CCSER1: variants seen among roughly 807,000 people sequenced by gnomAD.
The protein encoded by CCSER1 is serine-rich coiled-coil domain-containing protein 1.
In CCSER1, 41 loss-of-function variants were observed where a neutral mutation model predicts 82.0. The ratio of observed to expected loss-of-function variants is 0.50; its 90% CI spans 0.39 to 0.65. The LOEUF (loss-of-function observed/expected upper bound fraction) is 0.65, where lower values mean the gene tolerates loss of function less well. CCSER1 is among the 30% of genes least tolerant of loss of function. The probability of loss-of-function intolerance (pLI) is 0.00; values close to 1 mark genes in which losing one functional copy is unlikely to be tolerated. For synonymous variants in CCSER1, 414 were observed against 383.9 expected, an observed-to-expected ratio of 1.08 and a Z score of -0.92; for missense variants, 1,119 against 1,064.2, an observed-to-expected ratio of 1.05 and a Z score of -0.72.
intron 1 of CCSER1, among the ~76,000 whole-genome samples, chr4:90,252,610 T>C (rs1290819971): frequency 1.3e-5 from 2 of 151,802 alleles, no homozygotes; most frequent in Non-Finnish European, 2.9e-5. Context: ...TCTCAAGCAT[T>C]TATCCTTTGT....
At chr4:91,110,195 T>A (rs914626902) in intron 10 of CCSER1, among the ~76,000 whole-genome samples, 12 of 151,372 alleles carry the variant, frequency 7.9e-5, no homozygotes, top group East Asian at 3.9e-4. Flanking sequence ...AAATGGAATT[T>A]AAAAAAAAAT....
intron 5 of CCSER1, among the ~76,000 whole-genome samples, chr4:90,546,486 A>G (rs576270423): frequency 6.6e-6 from 1 of 152,146 alleles, no homozygotes; most frequent in Non-Finnish European, 1.5e-5. Context: ...GGCTGAATTA[A>G]TTGTTTATTT....
At chr4:90,937,635 A>G (rs1192753982) in intron 9 of CCSER1, among the ~76,000 whole-genome samples, 1 of 152,154 alleles carries the variant, frequency 6.6e-6, no homozygotes, top group African/African-American at 2.4e-5. Flanking sequence ...TTTCAAACTA[A>G]AACCTTTTAT....
intron 4 of CCSER1, among the ~76,000 whole-genome samples, chr4:90,430,176 T>A (rs535166476): frequency 6.2e-4 from 95 of 152,042 alleles, no homozygotes; most frequent in African/African-American, 2.2e-3. Flanking sequence ...CAGTTACAAT[T>A]TGTACTTATT....
At chr4:90,808,646 C>T (rs1486619902) in intron 7 of CCSER1, among the ~76,000 whole-genome samples, 2 of 152,072 alleles carry the variant, frequency 1.3e-5, no homozygotes, top group African/African-American at 2.4e-5. Context: ...AAATGCTCAA[C>T]ATCACTAACC....
At chr4:90,368,768 GCACA>G (rs71596526) in intron 3 of CCSER1, among the ~76,000 whole-genome samples, 3 of 149,854 alleles carry the variant, frequency 2.0e-5, no homozygotes, top group African/African-American at 4.9e-5. Context: ...ATATAAATAC[GCACA>G]CACACACACA....
intron 8 of CCSER1, among the ~76,000 whole-genome samples, chr4:90,868,605 A>G (rs564725184): frequency 6.6e-6 from 1 of 152,046 alleles, no homozygotes; most frequent in Admixed American, 6.6e-5. Context: ...TCCTCTGTCG[A>G]TAGACACTTC....
chr4:91,062,325 G>C (rs373694276), intron 9 of CCSER1, among the ~76,000 whole-genome samples: 1 of 151,950 alleles, frequency 6.6e-6, no homozygotes, highest in African/African-American at 2.4e-5. Context: ...ATCCTGCAGC[G>C]TGTATCATTC....
At chr4:90,649,917 C>A (rs1406280426) in intron 6 of CCSER1, among the ~76,000 whole-genome samples, 1 of 151,982 alleles carries the variant, frequency 6.6e-6, no homozygotes, top group Non-Finnish European at 1.5e-5. Flanking sequence ...CCAGCCTGGC[C>A]AAAATGGCGA....
chr4:90,548,422 G>A (rs1777053406), intron 5 of CCSER1, among the ~76,000 whole-genome samples: 1 of 151,992 alleles, frequency 6.6e-6, no homozygotes, highest in Non-Finnish European at 1.5e-5. Context: ...GCTGGCACAA[G>A]TAATGTTATC....
rs1413467354 is a variant in CCSER1, at chr4:90,810,132, C to CT, written c.2011-5623dup. On this transcript the variant is annotated intron_variant, in intron 7 of 10. Coordinates refer to ENST00000509176, the MANE Select transcript of CCSER1 (RefSeq NM_001145065.2). Reference sequence around the variant, plus strand: ...AAAAAAACATGAATTTGAGCATCTTCTTTTTTTCAAATAGAGATGGTGTTT... The same window carrying CT: ...AAAAAAACATGAATTTGAGCATCTTCTTTTTTTTCAAATAGAGATGGTGTTT... 3.3e-5 allele frequency among the ~76,000 whole-genome samples: 5 copies of CT among 151,950 alleles called. No individual in the cohort carries two copies. The East Asian group carries it at 5.8e-4, about 18-fold the overall frequency.
At chr4:90,637,026 G>A (rs1259545589) in intron 6 of CCSER1, among the ~76,000 whole-genome samples, 1 of 152,118 alleles carries the variant, frequency 6.6e-6, no homozygotes, top group Non-Finnish European at 1.5e-5. Flanking sequence ...TTGCTGTGTA[G>A]CAAATCAGCT....
intron 6 of CCSER1, among the ~76,000 whole-genome samples, chr4:90,694,797 G>GGGTGTGTGTGT (rs1553987833): frequency 6.9e-6 from 1 of 145,364 alleles, no homozygotes; most frequent in African/African-American, 2.5e-5. Flanking sequence ...GTGTGTGTGG[G>GGGTGTGTGTGT]GTGTGTGTGT....
chr4:90,740,577 A>G (rs1339930194), intron 7 of CCSER1, among the ~76,000 whole-genome samples: 1 of 152,212 alleles, frequency 6.6e-6, no homozygotes, highest in Non-Finnish European at 1.5e-5. Flanking sequence ...TGTTCAAATT[A>G]TTCTCACACA....
At chr4:90,973,001 A>G (rs1735264037) in intron 9 of CCSER1, among the ~76,000 whole-genome samples, 1 of 151,800 alleles carries the variant, frequency 6.6e-6, no homozygotes, top group African/African-American at 2.4e-5. Flanking sequence ...CACACTATAT[A>G]TAAAAGTCAA....
intron 3 of CCSER1, among the ~76,000 whole-genome samples, chr4:90,357,127 T>G (rs1744505638): frequency 1.3e-5 from 2 of 151,926 alleles, no homozygotes; most frequent in African/African-American, 4.8e-5. Flanking sequence ...ATGCAACCCT[T>G]ATTTAATTAT....
At chr4:90,605,609 C>G (rs902329602) in intron 5 of CCSER1, among the ~76,000 whole-genome samples, 5 of 152,122 alleles carry the variant, frequency 3.3e-5, no homozygotes, top group Admixed American at 1.3e-4. Context: ...AACATTATGT[C>G]TTTTTCTGTC....
chr4:90,804,288 A>T (rs74758594), intron 7 of CCSER1, among the ~76,000 whole-genome samples: 2 of 152,120 alleles, frequency 1.3e-5, no homozygotes, highest in African/African-American at 4.8e-5. Flanking sequence ...GTCTTTGTCC[A>T]TGCCTATGTC....
At chr4:90,200,066 A>ACACACG (rs1737391289) in intron 1 of CCSER1, among the ~76,000 whole-genome samples, 1 of 145,478 alleles carries the variant, frequency 6.9e-6, no homozygotes, top group Non-Finnish European at 1.5e-5. Flanking sequence ...ACGCAGACAC[A>ACACACG]CACACACACA....
Sources: allele counts gnomAD v4.1 joint callset (sites outside exome capture counted in the v4.1 genomes callset), GRCh38; gene constraint gnomAD v4.1.1; transcripts MANE v1.5; gene names NCBI Gene and HGNC (gene_info 2026-07-23, HGNC 2026-07-21).